Variants in CCDC127 observed in about 807,000 individuals in gnomAD.
CCDC127 encodes coiled-coil domain-containing protein 127.
CCDC127 carries 2 observed loss-of-function variants against 4.1 expected under a neutral mutation model. That is an observed-to-expected ratio of 0.49 (90% confidence interval 0.20 to 1.53). CCDC127 has a LOEUF of 1.53. CCDC127 is among the 40% of genes most tolerant of loss of function. The probability of loss-of-function intolerance (pLI) is 0.23; values close to 1 mark genes in which losing one functional copy is unlikely to be tolerated. For missense variants in CCDC127, 271 were observed against 322.9 expected, an observed-to-expected ratio of 0.84 and a Z score of 1.23; for synonymous variants, 98 against 120.4, an observed-to-expected ratio of 0.81 and a Z score of 1.22.
At chr5:215,147 C>T (rs1734355350) in intron 2 of CCDC127, 1 of 152,194 alleles carries the variant, frequency 6.6e-6, no homozygotes. Flanking sequence ...TTCTAGACTA[C>T]ACTAGGGGCT....
At position 200,821 on chromosome 5, in the gene CCDC127, G is replaced by A. The variant is rs1029961890; in HGVS notation, c.*4476C>T. 3 of 152,392 alleles carry A rather than the reference G, an allele frequency of 2.0e-5. No homozygotes were observed. Among genetic ancestry groups the A allele is most frequent in the East Asian group, 1.9e-4 (1 of 5,174 alleles). The allele number at this position is 152,392 out of a possible 1,614,324, so 9.4% of individuals were successfully genotyped here. On this transcript the variant is annotated 3_prime_UTR_variant, in exon 3 of 3. Transcript: ENST00000296824. ...GTTACTCACACAAGTCAAGGCAGAC[G>A]GAGCAAGCCCAGCACTTTCTACACA...
In CCDC127 at chr5:218,108, C is replaced by T. The variant is rs1197532131; in HGVS notation, c.-26G>A. 5.8e-6 allele frequency: 7 copies of T among 1,214,808 alleles called. No individual in the cohort carries two copies. The East Asian group carries it at 1.4e-4, about 24-fold the overall frequency. 75.3% of individuals were successfully genotyped at this position (1,214,808 alleles called of 1,614,324 possible). On this transcript the variant is annotated 5_prime_UTR_variant, in exon 1 of 3. Transcript: ENST00000296824. ...CCCGCTCTACCTCGGTCGGGGAGCG[C>T]GGGACCTCAGCGTTCCCTTAACGCC...
At chr5:208,160 A>G (rs4956927) in intron 2 of CCDC127, among the ~76,000 whole-genome samples, 112,875 of 152,042 alleles carry the variant, frequency 0.74, 42,383 homozygotes, top group African/African-American at 0.78. Context: ...CGGAGTAGAC[A>G]TCCTCCCTAT....
rs1203925840 is a variant in CCDC127, at chr5:205,758, A to C, written c.322T>G (p.Ser108Ala). Residue 108 changes from serine (S) to alanine (A), a missense_variant, in exon 3 of 3, where the codon TCT becomes GCT. Ser to Ala is a moderately conservative substitution (Grantham distance 99, BLOSUM62 1). This residue lies in a region of CCDC127 where 265 missense variants were observed against 270.9 expected (regional missense o/e 0.98). Coordinates refer to ENST00000296824, the MANE Select transcript of CCDC127 (RefSeq NM_145265.3). Reference sequence around the variant, plus strand: ...TCTTCTACCAACTTGCGTCCCTGAGAGATAAGGGCTTCTCGGTAACTAGCA... The same window carrying C: ...TCTTCTACCAACTTGCGTCCCTGAGCGATAAGGGCTTCTCGGTAACTAGCA... ...RTASYREALI[S>A]QGRKLVEEKK... 3.1e-6 allele frequency: 5 copies of C among 1,614,042 alleles called. No individual in the cohort carries two copies. In the East Asian group the frequency reaches 8.9e-5, roughly 29 times the overall value.
chr5:202,074 C>G lies in CCDC127; in HGVS notation c.*3223G>C, dbSNP rs1230433936. 2.6e-5 allele frequency: 4 copies of G among 152,308 alleles called. No individual in the cohort carries two copies. Among genetic ancestry groups the G allele is most frequent in the Non-Finnish European group, 4.4e-5 (3 of 68,068 alleles). The allele number at this position is 152,308 out of a possible 1,614,324, so 9.4% of individuals were successfully genotyped here. A position where few individuals can be genotyped will look rare whatever the true frequency, so the allele number is the denominator to read the frequency against. ...ACACACACCAACCAGCACAATTACC[C>G]TTTTCTGCAACTTTAAACCACTTTG... is the stretch of plus-strand genomic sequence containing the variant. On this transcript the variant is annotated 3_prime_UTR_variant, in exon 3 of 3. Transcript: ENST00000296824.
Position 205,164 on chromosome 5 carries a change from G to A in CCDC127, c.*133C>T, listed in dbSNP as rs1463714332. ...CACTTCTGCTCAGACGGTGGCGGGAGTGGAGGTCGCTGCTGAAGGGTGACG... is the reference window on the plus strand; with the variant it reads ...CACTTCTGCTCAGACGGTGGCGGGAATGGAGGTCGCTGCTGAAGGGTGACG... On this transcript the variant is annotated 3_prime_UTR_variant, in exon 3 of 3. Transcript: ENST00000296824. 13 of 771,510 alleles carry A rather than the reference G, an allele frequency of 1.7e-5. No individual in the cohort carries two copies. The highest frequency in any genetic ancestry group is 3.2e-4 in the Middle Eastern group (1 of 3,164). The allele number at this position is 771,510 out of a possible 1,614,324, so 47.8% of individuals were successfully genotyped here.
chr5:208,882 C>T (rs900256185), intron 2 of CCDC127, among the ~76,000 whole-genome samples: 5 of 152,194 alleles, frequency 3.3e-5, no homozygotes, highest in Non-Finnish European at 7.3e-5. Context: ...AGGGCCAGGA[C>T]GGGTCACACT....
At position 200,753 on chromosome 5, in the gene CCDC127, G is replaced by A. The variant is rs4956994; in HGVS notation, c.*4544C>T. On this transcript the variant is annotated 3_prime_UTR_variant, in exon 3 of 3. Transcript: ENST00000296824. ...CAACTGTTTCGTCAAACCCAGCATA[G>A]AAAGAGGAGCCTTTTCAGCCTCAAC... 112,827 of 152,118 alleles carry A rather than the reference G, an allele frequency of 0.74. 42,311 individuals are homozygous for A. Among genetic ancestry groups the A allele is most frequent in the African/African-American group, 0.78 (32,411 of 41,436 alleles). The allele number at this position is 152,118 out of a possible 1,614,324, so 9.4% of individuals were successfully genotyped here. A position where few individuals can be genotyped will look rare whatever the true frequency, so the allele number is the denominator to read the frequency against.
chr5:212,540 TGA>T (rs1370504562), intron 2 of CCDC127, among the ~76,000 whole-genome samples: 1 of 4,212 alleles, frequency 2.4e-4, no homozygotes, highest in East Asian at 1.9e-3. Flanking sequence ...GTGAGCACGC[TGA>T]GATGCTCGAC....
rs956281925 is a variant in CCDC127, at chr5:202,274, A to G, written c.*3023T>C. 3.3e-5 allele frequency: 5 copies of G among 152,264 alleles called. No homozygotes were observed. Among genetic ancestry groups the G allele is most frequent in the South Asian group, 2.1e-4 (1 of 4,840 alleles). 9.4% of individuals were successfully genotyped at this position (152,264 alleles called of 1,614,324 possible). A position where few individuals can be genotyped will look rare whatever the true frequency, so the allele number is the denominator to read the frequency against. ...AGCCACGCCACACAAACACGAACTA[A>G]TATCAACCCTGTGGAAAGAGCATCT... On this transcript the variant is annotated 3_prime_UTR_variant, in exon 3 of 3. Transcript: ENST00000296824.
At position 205,730 on chromosome 5, in the gene CCDC127, T is replaced by C; in HGVS notation, c.350A>G (p.Lys117Arg). The C allele has an allele frequency of 1.9e-6, 3 of 1,614,164 alleles. No individual in the cohort carries two copies. The highest frequency in any genetic ancestry group is 2.5e-6 in the Non-Finnish European group (3 of 1,180,020). Residue 117 changes from lysine to arginine, a missense_variant, in exon 3 of 3, where the codon AAG becomes AGG. This residue lies in a region of CCDC127 where 265 missense variants were observed against 270.9 expected (regional missense o/e 0.98). Transcript: ENST00000296824. ...ISQGRKLVEEKKLLEQERAQV... is the reference protein window; with the variant it reads ...ISQGRKLVEERKLLEQERAQV... ...GGCCCGTTCCTGTTCCAGAAGCTTC[T>C]TTTCTTCTACCAACTTGCGTCCCTG...
chr5:206,396 T>A (rs1174229705), intron 2 of CCDC127, among the ~76,000 whole-genome samples: 1 of 152,190 alleles, frequency 6.6e-6, no homozygotes, highest in Non-Finnish European at 1.5e-5. Context: ...AAAAATAAAG[T>A]GGGTTAAGAA....
Position 203,650 on chromosome 5 carries a change from G to A in CCDC127, c.*1647C>T, listed in dbSNP as rs968116121. ...TACTCCCGTACAGACGGGCAGGAGG[G>A]GAGAACATGGCCCTTGAAAGCAGAT... On this transcript the variant is annotated 3_prime_UTR_variant, in exon 3 of 3. Coordinates refer to ENST00000296824, the MANE Select transcript of CCDC127 (RefSeq NM_145265.3). 6.6e-6 allele frequency: 1 copy of A among 152,234 alleles called. No individual in the cohort carries two copies. The highest frequency in any genetic ancestry group is 2.4e-5 in the African/African-American group (1 of 41,466). The allele number at this position is 152,234 out of a possible 1,614,324, so 9.4% of individuals were successfully genotyped here.
rs1327713824 is a variant in CCDC127, at chr5:218,130, C to A, written c.-48G>T. The stretch of plus-strand genomic sequence containing the variant: ...GCGCGGGACCTCAGCGTTCCCTTAA[C>A]GCCACCGTCCGCGGGTCCGCTTTGC... On this transcript the variant is annotated 5_prime_UTR_variant, in exon 1 of 3. Coordinates refer to ENST00000296824, the MANE Select transcript of CCDC127 (RefSeq NM_145265.3). The A allele has an allele frequency of 9.7e-6, 12 of 1,232,726 alleles. No homozygotes were observed. The highest frequency in any genetic ancestry group is 6.4e-5 in the South Asian group (2 of 31,272). The allele number at this position is 1,232,726 out of a possible 1,614,324, so 76.4% of individuals were successfully genotyped here.
rs1734108481 is a variant in CCDC127, at chr5:203,411, C to G, written c.*1886G>C. 6.6e-6 allele frequency: 1 copy of G among 152,244 alleles called. No individual in the cohort carries two copies. Among genetic ancestry groups the G allele is most frequent in the East Asian group, 1.9e-4 (1 of 5,198 alleles). 9.4% of individuals were successfully genotyped at this position (152,244 alleles called of 1,614,324 possible). On this transcript the variant is annotated 3_prime_UTR_variant, in exon 3 of 3. Transcript: ENST00000296824. ...GAGCACCCTTAGCAGGGCGTGGGTG[C>G]CGAGAGCAGAGCATGGCAGGGGGCC...
intron 2 of CCDC127, among the ~76,000 whole-genome samples, chr5:213,229 G>T (rs1413594736): frequency 1.2e-5 from 1 of 86,330 alleles, no homozygotes; most frequent in African/African-American, 8.1e-5. Flanking sequence ...CATCAGGATG[G>T]GGCAGACGGG....
chr5:211,139 G>A (rs1734278116), intron 2 of CCDC127, among the ~76,000 whole-genome samples: 1 of 111,956 alleles, frequency 8.9e-6, no homozygotes, highest in East Asian at 2.9e-4. Context: ...CTGCAGCCAC[G>A]ATGAGACAGC....
In CCDC127 at chr5:198,988, G is replaced by C. The variant is rs1360138336; in HGVS notation, c.*6309C>G. 1 of 152,306 alleles carries C rather than the reference G, an allele frequency of 6.6e-6. No homozygotes were observed. Among genetic ancestry groups the C allele is most frequent in the Non-Finnish European group, 1.5e-5 (1 of 68,110 alleles). 9.4% of individuals were successfully genotyped at this position (152,306 alleles called of 1,614,324 possible). ...GGGGCTGCTCCTGGCGGAGCCTCAGGGTTCACCTGCCCAGGCCCACCCCGG... is the reference window on the plus strand; with the variant it reads ...GGGGCTGCTCCTGGCGGAGCCTCAGCGTTCACCTGCCCAGGCCCACCCCGG... On this transcript the variant is annotated 3_prime_UTR_variant, in exon 3 of 3. Transcript: ENST00000296824.
At chr5:210,045 C>T (rs1274946649) in intron 2 of CCDC127, among the ~76,000 whole-genome samples, 1 of 152,230 alleles carries the variant, frequency 6.6e-6, no homozygotes, top group East Asian at 1.9e-4. Context: ...GACCGTCCAA[C>T]AGAGTCCCAG....
Sources: gnomAD v4.1 joint callset for allele counts (sites outside exome capture counted in the v4.1 genomes callset) on GRCh38, gnomAD v4.1.1 for gene constraint, gnomAD v4.1.1 regional missense constraint, MANE v1.5 for transcripts, NCBI Gene and HGNC (gene_info 2026-07-23, HGNC 2026-07-21) for gene names.